The following STC1 variants were observed in gnomAD, a reference collection of about 807,000 sequenced individuals.
The protein encoded by STC1 is stanniocalcin 1.
Under a neutral mutation model 22.6 loss-of-function variants are expected in STC1, and 7 were observed. The ratio of observed to expected loss-of-function variants is 0.31; its 90% CI spans 0.18 to 0.58. The LOEUF (loss-of-function observed/expected upper bound fraction) is 0.58, where lower values mean the gene tolerates loss of function less well. Among genes scored for constraint, STC1 ranks in the 20% least tolerant of loss-of-function variants. STC1 has a pLI of 0.89. For synonymous variants in STC1, 113 were observed against 120.7 expected, an observed-to-expected ratio of 0.94 and a Z score of 0.42; for missense variants, 224 against 311.0, an observed-to-expected ratio of 0.72 and a Z score of 2.10.
chr8:23,851,730 T>G (rs1017068968), intron 2 of STC1, among the ~76,000 whole-genome samples, 199 bp from the exon 3 acceptor site: 1 of 151,332 alleles, frequency 6.6e-6, no homozygotes, highest in Non-Finnish European at 1.5e-5. Flanking sequence ...TGGATTCCCT[T>G]GAGAATTAAG....
At position 23,851,489 on chromosome 8, in the gene STC1, C is replaced by T. The variant is rs146703503; in HGVS notation, c.304G>A (p.Gly102Arg). 4.4e-4 allele frequency: 707 copies of T among 1,613,980 alleles called. 2 individuals are homozygous for T. Among genetic ancestry groups the T allele is most frequent in the Non-Finnish European group, 5.4e-4 (640 of 1,180,022 alleles). ...VKESLKCIAN[G>R]VTSKVFLAIR... ...GCGAGGAAGACCTTGGAGGTGACCC[C>T]GTTGGCGATGCATTTTAAGCTCTCT... The change falls in exon 3 of 4, where the codon GGG (glycine) becomes AGG (arginine). Residue 102 changes from glycine (G) to arginine (R), a missense_variant. Physicochemically the swap from Gly to Arg is moderately radical, Grantham distance 125 (BLOSUM62 -2). Coordinates refer to ENST00000290271, the MANE Select transcript of STC1 (RefSeq NM_003155.3).
intron 3 of STC1, among the ~76,000 whole-genome samples, chr8:23,846,153 C>T (rs1291779074): frequency 6.6e-6 from 1 of 152,182 alleles, no homozygotes; most frequent in Non-Finnish European, 1.5e-5. Context: ...TTTACCAAAA[C>T]CCCTTGTGTT....
intron 3 of STC1, 142 bp downstream of exon 3, chr8:23,851,178 T>G: frequency 1.2e-6 from 1 of 801,970 alleles, no homozygotes; most frequent in African/African-American, 1.7e-5. Flanking sequence ...CAAACATATT[T>G]TTTTCCTGCA....
intron 3 of STC1, among the ~76,000 whole-genome samples, chr8:23,845,290 G>C (rs1181843165): frequency 6.6e-6 from 1 of 152,124 alleles, no homozygotes; most frequent in Non-Finnish European, 1.5e-5. Flanking sequence ...AGGAGATTTA[G>C]ATCACACTTT....
At chr8:23,852,090 A>G in intron 2 of STC1, 152 bp downstream of exon 2, 3 of 835,286 alleles carry the variant, frequency 3.6e-6, no homozygotes, top group Non-Finnish European at 5.7e-6. Context: ...GTGCATGCAC[A>G]CACTTGTGCA....
intron 1 of STC1, among the ~76,000 whole-genome samples, chr8:23,853,505 A>G (rs1563343819): frequency 6.6e-6 from 1 of 152,216 alleles, no homozygotes; most frequent in Non-Finnish European, 1.5e-5. Context: ...TCCTCTCGGC[A>G]GGGACCTGTG....
In STC1 at chr8:23,845,045, A is replaced by G. The variant is rs774332641; in HGVS notation, c.474-5T>C. 2.5e-6 allele frequency: 4 copies of G among 1,613,644 alleles called. No individual in the cohort carries two copies. The South Asian group carries it at 4.4e-5, about 18-fold the overall frequency. Reference sequence around the variant, plus strand: ...CGGACAAGTCTGTTATAGTATCTGCATCAAGAAAGAGAGTGCATATGGTGG... The same window carrying G: ...CGGACAAGTCTGTTATAGTATCTGCGTCAAGAAAGAGAGTGCATATGGTGG... On this transcript the variant is annotated splice_polypyrimidine_tract_variant and splice_region_variant and intron_variant, in intron 3 of 3. Transcript: ENST00000290271.
In STC1 at chr8:23,852,429, T is replaced by G. The variant is rs149932904; in HGVS notation, c.119-45A>C. 41 of 1,547,060 alleles carry G rather than the reference T, an allele frequency of 2.7e-5. No homozygotes were observed. The East Asian group carries it at 8.1e-4, about 31-fold the overall frequency. ...CCATTCTGGGTCAAACAGTGAGGAA[T>G]GGCTGGGTGGGATCAAGTGGGTGCA... On this transcript the variant is annotated intron_variant, in intron 1 of 3. Transcript: ENST00000290271.
chr8:23,844,539 T>C lies in STC1; in HGVS notation c.*231A>G. 1 of 572,158 alleles carries C rather than the reference T, an allele frequency of 1.7e-6. No individual in the cohort carries two copies. The highest frequency in any genetic ancestry group is 3.1e-6 in the Non-Finnish European group (1 of 326,620). The allele number at this position is 572,158 out of a possible 1,614,324, so 35.4% of individuals were successfully genotyped here. A position where few individuals can be genotyped will look rare whatever the true frequency, so the allele number is the denominator to read the frequency against. On this transcript the variant is annotated 3_prime_UTR_variant, in exon 4 of 4. Coordinates refer to ENST00000290271, the MANE Select transcript of STC1 (RefSeq NM_003155.3). The stretch of plus-strand genomic sequence containing the variant: ...GAAGTTGGTAAAAGAGGGTACTTTC[T>C]CCTGAGGAGAGGCAGAATGGTCACA...
In STC1 at chr8:23,854,765, T is replaced by TGCTGCA. The variant is rs1455080163; in HGVS notation, c.-248_-243dup. On this transcript the variant is annotated 5_prime_UTR_variant, in exon 1 of 4. Transcript: ENST00000290271. ...CTGCCACCGCCGCTGCTGCTGCTGCTGCTGCAGTCGCTGCTTCTTGCACCT... is the reference window on the plus strand; with the variant it reads ...CTGCCACCGCCGCTGCTGCTGCTGCTGCTGCAGCTGCAGTCGCTGCTTCTTGCACCT... 1 of 616,868 alleles carries TGCTGCA rather than the reference T, an allele frequency of 1.6e-6. No individual in the cohort carries two copies. The highest frequency in any genetic ancestry group is 3.0e-6 in the Non-Finnish European group (1 of 331,982). The allele number at this position is 616,868 out of a possible 1,614,324, so 38.2% of individuals were successfully genotyped here. A position where few individuals can be genotyped will look rare whatever the true frequency, so the allele number is the denominator to read the frequency against.
intron 1 of STC1, chr8:23,854,005 A>G (rs1476600444): frequency 2.9e-6 from 3 of 1,021,670 alleles, no homozygotes; most frequent in East Asian, 8.2e-5. Flanking sequence ...GAGTCTTAAG[A>G]GGAAAGGAAG....
Position 23,854,630 on chromosome 8 carries a change from A to C in STC1, c.-107T>G. ...AAGATGTGGATCTGGATACACTGAA[A>C]GCTTAGGTGAGGATTTGATGAGGAT... On this transcript the variant is annotated 5_prime_UTR_variant, in exon 1 of 4. Coordinates refer to ENST00000290271, the MANE Select transcript of STC1 (RefSeq NM_003155.3). 1.0e-6 allele frequency: 1 copy of C among 968,714 alleles called. No homozygotes were observed. The highest frequency in any genetic ancestry group is 1.7e-6 in the Non-Finnish European group (1 of 599,346). The allele number at this position is 968,714 out of a possible 1,614,324, so 60.0% of individuals were successfully genotyped here. A position where few individuals can be genotyped will look rare whatever the true frequency, so the allele number is the denominator to read the frequency against.
chr8:23,849,879 A>G (rs536290727), intron 3 of STC1, among the ~76,000 whole-genome samples: 49 of 151,984 alleles, frequency 3.2e-4, no homozygotes, highest in African/African-American at 1.1e-3. Context: ...AATTAATCAG[A>G]TCTCCCCTCC....
In STC1 at chr8:23,854,714, TGCTGCTGCCGCC is replaced by T. The variant is rs1223016231; in HGVS notation, c.-203_-192del. The stretch of plus-strand genomic sequence containing the variant: ...CTGCCACCGGTGCCTCCGCTGCTGC[TGCTGCTGCCGCC>T]GCTGCTGCTGCTGCTGCCACCGCCG... On this transcript the variant is annotated 5_prime_UTR_variant, in exon 1 of 4. Coordinates refer to ENST00000290271, the MANE Select transcript of STC1 (RefSeq NM_003155.3). 5.9e-6 allele frequency: 4 copies of T among 681,722 alleles called. No individual in the cohort carries two copies. Among genetic ancestry groups the T allele is most frequent in the Non-Finnish European group, 1.1e-5 (4 of 371,226 alleles). 42.2% of individuals were successfully genotyped at this position (681,722 alleles called of 1,614,324 possible). A position where few individuals can be genotyped will look rare whatever the true frequency, so the allele number is the denominator to read the frequency against.
Position 23,844,833 on chromosome 8 carries a change from C to T in STC1, c.681G>A (p.Arg227=), listed in dbSNP as rs1488609367. 2 of 1,614,030 alleles carry T rather than the reference C, an allele frequency of 1.2e-6. No homozygotes were observed. The highest frequency in any genetic ancestry group is 2.2e-5 in the East Asian group (1 of 44,846). ...GAGAGTCCTCCTCACCTCGGAGGTT[C>T]CTGAGGAGGACTTTCAGCTTCTGCG... ...NEPQKLKVLL[R]NLRGEEDSPS... is the part of the protein sequence containing the mutation. The change falls in exon 4 of 4, where the codon AGG becomes AGA. Residue 227 remains arginine, a synonymous_variant. Coordinates refer to ENST00000290271, the MANE Select transcript of STC1 (RefSeq NM_003155.3).
rs531503847 is a variant in STC1 at position 23,852,363 on chromosome 8, T to G, written c.140A>C (p.Asn47Thr). The change falls in exon 2 of 4, where the codon AAC becomes ACC. Residue 47 changes from asparagine to threonine, a missense_variant. Transcript: ENST00000290271. ...QNSAEVVRCL[N>T]SALQVGCGAF... ...CCCGCAGCCGACCTGTAGAGCACTG[T>G]TGAGGCAACGAACCACTTCAGCTGA... 1.2e-6 allele frequency: 2 copies of G among 1,606,322 alleles called. No homozygotes were observed. Among genetic ancestry groups the G allele is most frequent in the Non-Finnish European group, 8.5e-7 (1 of 1,176,742 alleles).
intron 1 of STC1, 147 bp downstream of exon 1, chr8:23,854,259 G>A: frequency 1.1e-6 from 1 of 936,064 alleles, no homozygotes; most frequent in Admixed American, 2.4e-5. Context: ...ACTGCCTAAG[G>A]CTATTGGATT....
intron 3 of STC1, among the ~76,000 whole-genome samples, chr8:23,846,584 G>A (rs1052025138): frequency 6.6e-6 from 1 of 152,142 alleles, no homozygotes; most frequent in African/African-American, 2.4e-5. Flanking sequence ...TTATTTCAAA[G>A]ATGTGTGGTA....
In STC1 at chr8:23,852,301, C is replaced by T. The variant is rs1260045910; in HGVS notation, c.202G>A (p.Asp68Asn). Reference sequence around the variant, plus strand: ...GATTTACAGATGTCATACATCCCATCTGTGTCACAGGTGGAGTTTTCCAGG... The same window carrying T: ...GATTTACAGATGTCATACATCCCATTTGTGTCACAGGTGGAGTTTTCCAGG... The part of the protein sequence containing the change: ...ACLENSTCDT[D>N]GMYDICKSFL... The change falls in exon 2 of 4, where the codon GAT (aspartate) becomes AAT (asparagine). Residue 68 changes from aspartate (D) to asparagine (N), a missense_variant. Asp to Asn is a conservative substitution (Grantham distance 23). Transcript: ENST00000290271. 6.2e-7 allele frequency: 1 copy of T among 1,614,168 alleles called. No homozygotes were observed. The highest frequency in any genetic ancestry group is 1.1e-5 in the South Asian group (1 of 91,086).
Sources: allele counts gnomAD v4.1 joint callset (sites outside exome capture counted in the v4.1 genomes callset), GRCh38; gene constraint gnomAD v4.1.1; transcripts MANE v1.5; gene names NCBI Gene and HGNC (gene_info 2026-07-23, HGNC 2026-07-21).